The following SLC12A4 variants were observed in gnomAD, a reference collection of about 807,000 sequenced individuals.
SLC12A4 encodes the protein solute carrier family 12 member 4, also known as electroneutral potassium-chloride cotransporter 1.
SLC12A4 carries 84 observed loss-of-function variants against 119.2 expected under a neutral mutation model. That is an observed-to-expected ratio of 0.70 (90% confidence interval 0.59 to 0.85). The LOEUF is 0.85. Ranked by LOEUF, SLC12A4 falls within the 40% of genes least tolerant of loss-of-function variation. The pLI is 0.00. For synonymous variants in SLC12A4, 599 were observed against 604.6 expected (o/e 0.99, Z 0.14); for missense variants, 1,298 against 1,476.3 (o/e 0.88, Z 1.98).
intron 1 of SLC12A4, chr16:67,963,824 A>G (rs966376635): frequency 6.3e-6 from 9 of 1,421,166 alleles, no homozygotes; most frequent in East Asian, 2.5e-5. Context: ...TAGCACAAGC[A>G]CGTATGGACA....
chr16:67,953,620 T>C (rs1376467664), intron 6 of SLC12A4, among the ~76,000 whole-genome samples: 1 of 152,202 alleles, frequency 6.6e-6, no homozygotes, highest in East Asian at 1.9e-4. Context: ...GTGAATATAC[T>C]ATAAAACATT....
At chr16:67,959,816 G>A (rs1284143284) in intron 3 of SLC12A4, among the ~76,000 whole-genome samples, 1 of 152,216 alleles carries the variant, frequency 6.6e-6, no homozygotes, top group Non-Finnish European at 1.5e-5. Flanking sequence ...GCTGGAGCTG[G>A]AGCAGCTGCT....
rs578221036 is a variant in SLC12A4 at position 67,957,848 on chromosome 16, G to T, written c.489+50C>A. The T allele has an allele frequency of 5.6e-4, 907 of 1,614,088 alleles. 18 individuals are homozygous for T. In the South Asian group the frequency reaches 9.3e-3, roughly 17 times the overall value. On this transcript the variant is annotated intron_variant, in intron 4 of 23. Coordinates refer to ENST00000316341, the MANE Select transcript of SLC12A4 (RefSeq NM_005072.5). ...GGCTCAGCTGGGTGGGCTCTGTGGG[G>T]GCAGCCGTGGCCCATGCCCAGCCCA...
At position 67,944,342 on chromosome 16, in the gene SLC12A4, A is replaced by G. The variant is rs1230564417; in HGVS notation, c.*498T>C. On this transcript the variant is annotated 3_prime_UTR_variant, in exon 24 of 24. Coordinates refer to ENST00000316341, the MANE Select transcript of SLC12A4 (RefSeq NM_005072.5). This position sits in a 1 kb window ranked among gnomAD's most constrained non-coding sequence, Gnocchi z 6.6. ...GCAGCAGGAGGCCCAGAACTACACAATGTTTTATTGAAAAAGTCAGGCCTC... is the reference window on the plus strand; with the variant it reads ...GCAGCAGGAGGCCCAGAACTACACAGTGTTTTATTGAAAAAGTCAGGCCTC... 1.5e-6 allele frequency: 2 copies of G among 1,372,650 alleles called. No homozygotes were observed. Among genetic ancestry groups the G allele is most frequent in the Admixed American group, 3.1e-5 (1 of 32,586 alleles). 85.0% of individuals were successfully genotyped at this position (1,372,650 alleles called of 1,614,324 possible). A position where few individuals can be genotyped will look rare whatever the true frequency, so the allele number is the denominator to read the frequency against.
rs1286361901 is a variant in SLC12A4 at position 67,949,457 on chromosome 16, A to C, written c.1748+343T>G. Reference sequence around the variant, plus strand: ...GAGAGTGAGACTCTGTCTCAAAAAAAAAAAACAAAAACCAAAAAACAAACT... The same window carrying C: ...GAGAGTGAGACTCTGTCTCAAAAAACAAAAACAAAAACCAAAAAACAAACT... On this transcript the variant is annotated intron_variant, in intron 13 of 23. Coordinates refer to ENST00000316341, the MANE Select transcript of SLC12A4 (RefSeq NM_005072.5). The surrounding 1 kb of genome is among the most constrained non-coding windows in gnomAD (Gnocchi z 4.6). The C allele has an allele frequency of 1.6e-5, 3 of 186,904 alleles. No homozygotes were observed. The highest frequency in any genetic ancestry group is 1.1e-4 in the South Asian group (1 of 9,186). The allele number at this position is 186,904 out of a possible 1,614,324, so 11.6% of individuals were successfully genotyped here.
chr16:67,950,575 C>T lies in SLC12A4; in HGVS notation c.1454+79G>A. On this transcript the variant is annotated intron_variant, in intron 11 of 23. Transcript: ENST00000316341. This position sits in a 1 kb window ranked among gnomAD's most constrained non-coding sequence, Gnocchi z 4.3. Reference sequence around the variant, plus strand: ...CCAAAGGCAGCCAGCAGGCTTAGGACCACCCACGGGGTTGGGAGCTGGTGT... The same window carrying T: ...CCAAAGGCAGCCAGCAGGCTTAGGATCACCCACGGGGTTGGGAGCTGGTGT... 2 of 1,607,792 alleles carry T rather than the reference C, an allele frequency of 1.2e-6. No individual in the cohort carries two copies. The highest frequency in any genetic ancestry group is 2.2e-5 in the South Asian group (2 of 90,564).
chr16:67,950,332 ATGATGTTGTCCT>A lies in SLC12A4; in HGVS notation c.1604_1615del (p.Lys535_Ile538del). ...AGAGGGGCTCACCCGGAGGAAGGGG[ATGATGTTGTCCT>A]TGGCAATGGCCTGCAATAGGCGTGG... is the stretch of plus-strand genomic sequence containing the variant. On this transcript the variant is annotated inframe_deletion, in exon 12 of 24. Coordinates refer to ENST00000316341, the MANE Select transcript of SLC12A4 (RefSeq NM_005072.5). This position sits in a 1 kb window ranked among gnomAD's most constrained non-coding sequence, Gnocchi z 4.3. The A allele has an allele frequency of 2.5e-6, 4 of 1,613,762 alleles. No homozygotes were observed. Among genetic ancestry groups the A allele is most frequent in the Non-Finnish European group, 3.4e-6 (4 of 1,179,974 alleles).
At chr16:67,961,837 G>T in intron 2 of SLC12A4, 131 bp from the exon 3 acceptor site, 2 of 1,240,100 alleles carry the variant, frequency 1.6e-6, no homozygotes, top group Non-Finnish European at 2.3e-6. Context: ...TTCCTACCTG[G>T]GGAAGTCCAA....
rs774239241 is a variant in SLC12A4 at position 67,947,636 on chromosome 16, G to T, written c.1967+33C>A. Reference sequence around the variant, plus strand: ...CTGCCTGCTCGGCCGGGCCCCCTCAGCTGGCAGAGGCCAGGTGGCAGTGCT... The same window carrying T: ...CTGCCTGCTCGGCCGGGCCCCCTCATCTGGCAGAGGCCAGGTGGCAGTGCT... On this transcript the variant is annotated intron_variant, in intron 15 of 23. Transcript: ENST00000316341. 2.5e-6 allele frequency: 4 copies of T among 1,584,074 alleles called. No individual in the cohort carries two copies. In the East Asian group the frequency reaches 6.9e-5, roughly 27 times the overall value.
At position 67,951,614 on chromosome 16, in the gene SLC12A4, A is replaced by G; in HGVS notation, c.1132+209T>C. 1.6e-6 allele frequency: 1 copy of G among 613,210 alleles called. No homozygotes were observed. Among genetic ancestry groups the G allele is most frequent in the Non-Finnish European group, 2.9e-6 (1 of 349,344 alleles). 38.0% of individuals were successfully genotyped at this position (613,210 alleles called of 1,614,324 possible). On this transcript the variant is annotated intron_variant, in intron 8 of 23. Coordinates refer to ENST00000316341, the MANE Select transcript of SLC12A4 (RefSeq NM_005072.5). This position sits in a 1 kb window ranked among gnomAD's most constrained non-coding sequence, Gnocchi z 5.2. ...TCAGGGGCTGGTGGCTGGGGAAGAC[A>G]GGCTGCTGCAGGCCTTGGACGCTGG...
Position 67,951,891 on chromosome 16 carries a change from G to C in SLC12A4, c.1064C>G (p.Pro355Arg), listed in dbSNP as rs898214935. Reference sequence around the variant, plus strand: ...GGTCACATTGTTGAGCATGAAGTAGGGGTCACAGGAGTCGGTCGTAAGGTT... The same window carrying C: ...GGTCACATTGTTGAGCATGAAGTAGCGGTCACAGGAGTCGGTCGTAAGGTT... ...SPNLTTDSCD[P>R]YFMLNNVTEI... The change falls in exon 8 of 24, where the codon CCC becomes CGC. Residue 355 changes from proline to arginine, a missense_variant. Pro to Arg is a moderately radical substitution (Grantham distance 103). Transcript: ENST00000316341. The surrounding 1 kb of genome is among the most constrained non-coding windows in gnomAD (Gnocchi z 5.2). The C allele has an allele frequency of 3.7e-6, 6 of 1,613,930 alleles. No individual in the cohort carries two copies. In the East Asian group the frequency reaches 1.1e-4, roughly 30 times the overall value.
rs201218471 is a variant in SLC12A4, at chr16:67,948,164, G to C, written c.1749-5C>G. On this transcript the variant is annotated splice_polypyrimidine_tract_variant and splice_region_variant and intron_variant, in intron 13 of 23. Coordinates refer to ENST00000316341, the MANE Select transcript of SLC12A4 (RefSeq NM_005072.5). The stretch of plus-strand genomic sequence containing the variant: ...AGGTAGCACATCAGAAAGAACCTGC[G>C]GCACAGAGGGCGGTTGGCGAAGAGC... 1.9e-5 allele frequency: 30 copies of C among 1,612,866 alleles called. No individual in the cohort carries two copies. Among genetic ancestry groups the C allele is most frequent in the Non-Finnish European group, 2.5e-5 (29 of 1,179,836 alleles).
intron 5 of SLC12A4, among the ~76,000 whole-genome samples, chr16:67,956,419 C>G (rs1168556624): frequency 6.6e-6 from 1 of 152,088 alleles, no homozygotes; most frequent in African/African-American, 2.4e-5. Flanking sequence ...GGTGCAGTGG[C>G]TCACACCCGT....
In SLC12A4 at chr16:67,949,432, G is replaced by A. The variant is rs2058388126; in HGVS notation, c.1748+368C>T. The A allele has an allele frequency of 5.9e-6, 1 of 170,780 alleles. No individual in the cohort carries two copies. Among genetic ancestry groups the A allele is most frequent in the Non-Finnish European group, 1.2e-5 (1 of 80,774 alleles). The allele number at this position is 170,780 out of a possible 1,614,324, so 10.6% of individuals were successfully genotyped here. A position where few individuals can be genotyped will look rare whatever the true frequency, so the allele number is the denominator to read the frequency against. On this transcript the variant is annotated intron_variant, in intron 13 of 23. Transcript: ENST00000316341. The surrounding 1 kb of genome is among the most constrained non-coding windows in gnomAD (Gnocchi z 4.6). ...TGCCATTGCACTCCAGCCTGGGTGA[G>A]AGAGTGAGACTCTGTCTCAAAAAAA...
At position 67,944,651 on chromosome 16, in the gene SLC12A4, A is replaced by G. The variant is rs1261144612; in HGVS notation, c.*189T>C. 2.8e-6 allele frequency: 4 copies of G among 1,422,974 alleles called. No homozygotes were observed. Among genetic ancestry groups the G allele is most frequent in the East Asian group, 2.5e-5 (1 of 39,430 alleles). The allele number at this position is 1,422,974 out of a possible 1,614,324, so 88.1% of individuals were successfully genotyped here. Reference sequence around the variant, plus strand: ...TCCCCAAACATCCCAGGGTCCCACAAGACCTGGGATCCATCTCCATTTTGA... The same window carrying G: ...TCCCCAAACATCCCAGGGTCCCACAGGACCTGGGATCCATCTCCATTTTGA... On this transcript the variant is annotated 3_prime_UTR_variant, in exon 24 of 24. Transcript: ENST00000316341. The surrounding 1 kb of genome is among the most constrained non-coding windows in gnomAD (Gnocchi z 6.6).
In SLC12A4 at chr16:67,961,611, G is replaced by A. The variant is rs375870366; in HGVS notation, c.306C>T (p.Ala102=). 1.6e-5 allele frequency: 26 copies of A among 1,613,738 alleles called. No individual in the cohort carries two copies. The highest frequency in any genetic ancestry group is 5.0e-5 in the Admixed American group (3 of 59,996). ...TCCGGCGGGTGCCCTCCCCACTCTC[G>A]GCCTCCTCATGCTCTTTGGCGCCCT... ...LTQGAKEHEE[A]ESGEGTRRRA... The change falls in exon 3 of 24, where the codon GCC becomes GCT. Residue 102 remains alanine (A), a synonymous_variant. Coordinates refer to ENST00000316341, the MANE Select transcript of SLC12A4 (RefSeq NM_005072.5).
At chr16:67,968,379 T>TGGCGGCCCCGGGTGGCAGGCCC in intron 1 of SLC12A4, 60 bp downstream of exon 1, 2 of 1,439,398 alleles carry the variant, frequency 1.4e-6, no homozygotes, top group Non-Finnish European at 1.8e-6. Context: ...GGGCCCGGGA[T>TGGCGGCCCCGGGTGGCAGGCCC]GGCGGCCCCG....
chr16:67,957,524 T>C (rs9928014), intron 5 of SLC12A4: 28,966 of 585,940 alleles, frequency 0.049, 1,124 homozygotes, highest in African/African-American at 0.15. Flanking sequence ...TTTTTTTTTC[T>C]TTTTTGGTAT....
At chr16:67,963,923 C>T (rs1186327675) in intron 1 of SLC12A4, 2 of 1,551,276 alleles carry the variant, frequency 1.3e-6, no homozygotes, top group Non-Finnish European at 1.7e-6. Context: ...CCGGTCTTTC[C>T]GGAGTACCCA....
Sources: allele counts gnomAD v4.1 joint callset (sites outside exome capture counted in the v4.1 genomes callset), GRCh38; gene constraint gnomAD v4.1.1; non-coding constraint Gnocchi (gnomAD v3.1); transcripts MANE v1.5; gene names NCBI Gene and HGNC (gene_info 2026-07-23, HGNC 2026-07-21).